CUL1: variants seen among roughly 807,000 people sequenced by gnomAD.
CUL1 encodes the protein cullin 1, also known as cullin-1.
A neutral mutation model predicts 118.0 loss-of-function variants in CUL1; 24 were observed. That is an observed-to-expected ratio of 0.20 (90% CI 0.15 to 0.29). The LOEUF (loss-of-function observed/expected upper bound fraction) is 0.29, where lower values mean the gene tolerates loss of function less well. Among genes scored for constraint, CUL1 ranks in the 10% least tolerant of loss-of-function variants. The probability of loss-of-function intolerance (pLI) is 1.00; values close to 1 mark genes in which losing one functional copy is unlikely to be tolerated. For missense variants in CUL1, 361 were observed against 933.8 expected (o/e 0.39, Z 7.99); for synonymous variants, 332 against 340.4 (o/e 0.98, Z 0.27).
At position 148,760,359 on chromosome 7, in the gene CUL1, G is replaced by A; in HGVS notation, c.652G>A (p.Ala218Thr). ...YVELGLNEDD[A>T]FAKGPTLTVY... ...GGAATTGGGGCTGAATGAAGATGAT[G>A]CATTTGCAAAGGGCCCTACGTTAAC... is the stretch of plus-strand genomic sequence containing the variant. The change falls in exon 7 of 22, where the codon GCA becomes ACA. Residue 218 changes from alanine (A) to threonine (T), a missense_variant. By Grantham distance (58) the Ala-to-Thr change is moderately conservative. Transcript: ENST00000325222. 1 of 1,604,612 alleles carries A rather than the reference G, an allele frequency of 6.2e-7. No homozygotes were observed. The highest frequency in any genetic ancestry group is 1.1e-5 in the South Asian group (1 of 88,738).
At chr7:148,732,508 A>ATT (rs879290722) in intron 2 of CUL1, among the ~76,000 whole-genome samples, 1 of 143,130 alleles carries the variant, frequency 7.0e-6, no homozygotes. Context: ...TGCCCGGCTA[A>ATT]TTTTTTTTTT....
intron 1 of CUL1, among the ~76,000 whole-genome samples, chr7:148,712,532 C>T (rs1449558495): frequency 6.6e-6 from 1 of 152,180 alleles, no homozygotes; most frequent in Admixed American, 6.5e-5. Context: ...TTCATTTTGA[C>T]TTCAAAAATA....
In CUL1 at chr7:148,711,991, T is replaced by A. The variant is rs191036077; in HGVS notation, c.-162+12962T>A. ...AGAGACCTGCCAGGAGGTGCACATCTGGCCTTCCACGCTTAGTGGCCTGAG... is the reference window on the plus strand; with the variant it reads ...AGAGACCTGCCAGGAGGTGCACATCAGGCCTTCCACGCTTAGTGGCCTGAG... On this transcript the variant is annotated intron_variant, in intron 1 of 21. Coordinates refer to ENST00000325222, the MANE Select transcript of CUL1 (RefSeq NM_003592.3). Among the ~76,000 whole-genome samples, 17 of 152,346 alleles carry A rather than the reference T, an allele frequency of 1.1e-4. 1 individual carries two copies. The highest frequency in any genetic ancestry group is 6.5e-5 in the Admixed American group (1 of 15,298).
chr7:148,778,103 A>AAAAAAAAAAAAAAAG, intron 9 of CUL1, among the ~76,000 whole-genome samples: 1 of 147,512 alleles, frequency 6.8e-6, no homozygotes, highest in Non-Finnish European at 1.5e-5. Flanking sequence ...AAAAAGAAGA[A>AAAAAAAAAAAAAAAG]GAAGAAGAAT....
chr7:148,767,378 GA>G (rs1256786798), intron 8 of CUL1, among the ~76,000 whole-genome samples: 3 of 151,684 alleles, frequency 2.0e-5, no homozygotes, highest in Admixed American at 6.6e-5. Context: ...CAGTAAGGGG[GA>G]AAATAAATTT....
chr7:148,750,975 C>T (rs1171076801), intron 2 of CUL1, among the ~76,000 whole-genome samples: 1 of 127,906 alleles, frequency 7.8e-6, no homozygotes, highest in Non-Finnish European at 1.6e-5. Flanking sequence ...TAGTGAGATC[C>T]TGTCTCTTTA....
chr7:148,769,435 A>G (rs1800130910), intron 9 of CUL1, among the ~76,000 whole-genome samples: 1 of 151,066 alleles, frequency 6.6e-6, no homozygotes. Context: ...ACACACACAC[A>G]CACACACACA....
intron 3 of CUL1, among the ~76,000 whole-genome samples, chr7:148,755,804 A>G (rs374258962): frequency 1.4e-4 from 22 of 152,080 alleles, no homozygotes; most frequent in Non-Finnish European, 3.2e-4. Context: ...ATTTGTCTCA[A>G]GAGATGATCC....
At chr7:148,729,444 G>C (rs1299972646) in intron 1 of CUL1, among the ~76,000 whole-genome samples, 1 of 152,060 alleles carries the variant, frequency 6.6e-6, no homozygotes, top group Non-Finnish European at 1.5e-5. Flanking sequence ...GATAATTCTT[G>C]CCAGATTCCC....
chr7:148,720,393 G>C (rs1371447726), intron 1 of CUL1, among the ~76,000 whole-genome samples: 1 of 152,126 alleles, frequency 6.6e-6, no homozygotes, highest in Non-Finnish European at 1.5e-5. Context: ...AGAATTCATA[G>C]AACTGATTTT....
chr7:148,731,846 G>A (rs1187890480), intron 2 of CUL1, among the ~76,000 whole-genome samples: 1 of 152,172 alleles, frequency 6.6e-6, no homozygotes, highest in Non-Finnish European at 1.5e-5. Context: ...CTTGTAGCGC[G>A]TATCACTGTG....
intron 7 of CUL1, among the ~76,000 whole-genome samples, chr7:148,760,734 A>G (rs1371447624): frequency 2.6e-5 from 4 of 152,220 alleles, no homozygotes; most frequent in African/African-American, 9.6e-5. Context: ...CAATAGCTAC[A>G]TGAATTTTTT....
intron 2 of CUL1, among the ~76,000 whole-genome samples, chr7:148,739,874 C>T (rs922775722): frequency 6.6e-6 from 1 of 152,022 alleles, no homozygotes; most frequent in Non-Finnish European, 1.5e-5. Context: ...ACCTGTGATC[C>T]ACCTGGAGTT....
upstream of CUL1, chr7:148,697,935 T>C (rs1322714009): frequency 1.3e-5 from 2 of 152,234 alleles, no homozygotes; most frequent in Non-Finnish European, 2.9e-5. Context: ...TCACGACTCA[T>C]GCCATCCGTA....
intron 2 of CUL1, among the ~76,000 whole-genome samples, chr7:148,733,695 T>C (rs1798845083): frequency 1.3e-5 from 2 of 152,212 alleles, no homozygotes. Flanking sequence ...AGTATCACTC[T>C]GCAAAATTAG....
At chr7:148,752,007 G>A (rs1335210773) in intron 2 of CUL1, among the ~76,000 whole-genome samples, 1 of 152,012 alleles carries the variant, frequency 6.6e-6, no homozygotes, top group South Asian at 2.1e-4. Flanking sequence ...ACAGCTACTC[G>A]GGAGGCTGAG....
chr7:148,718,237 C>T (rs1306702318), intron 1 of CUL1, among the ~76,000 whole-genome samples: 1 of 152,200 alleles, frequency 6.6e-6, no homozygotes. Flanking sequence ...ATTTAATGCA[C>T]ATGCTATAAA....
At chr7:148,742,039 C>T (rs1000447978) in intron 2 of CUL1, among the ~76,000 whole-genome samples, 7 of 152,124 alleles carry the variant, frequency 4.6e-5, no homozygotes, top group Admixed American at 2.0e-4. Flanking sequence ...TGTTTGAGTC[C>T]TCCAATGTTG....
At chr7:148,769,434 CACACACACACACACAA>C (rs1243279113) in intron 9 of CUL1, among the ~76,000 whole-genome samples, 8 of 150,970 alleles carry the variant, frequency 5.3e-5, no homozygotes, top group South Asian at 2.1e-4. Flanking sequence ...CACACACACA[CACACACACACACACAA>C]AACGCTCACC....
Sources: allele counts gnomAD v4.1 joint callset (sites outside exome capture counted in the v4.1 genomes callset), GRCh38; gene constraint gnomAD v4.1.1; transcripts MANE v1.5; gene names NCBI Gene and HGNC (gene_info 2026-07-23, HGNC 2026-07-21).